The following EXOC4 variants were observed in gnomAD, a reference collection of about 807,000 sequenced individuals.
EXOC4 encodes the protein exocyst complex component 4.
EXOC4 carries 71 observed loss-of-function variants against 107.2 expected under a neutral mutation model. The observed-to-expected ratio is 0.66, with a 90% CI of 0.55 to 0.81. The LOEUF is 0.81. Among genes scored for constraint, EXOC4 ranks in the 30% least tolerant of loss-of-function variants. The pLI is 0.00. For synonymous variants in EXOC4, 456 were observed against 441.2 expected, an observed-to-expected ratio of 1.03 and a Z score of -0.42; for missense variants, 1,108 against 1,189.6, an observed-to-expected ratio of 0.93 and a Z score of 1.01.
chr7:133,829,137 A>G (rs751523496), intron 11 of EXOC4, among the ~76,000 whole-genome samples: 38 of 152,232 alleles, frequency 2.5e-4, no homozygotes, highest in Non-Finnish European at 4.6e-4. Context: ...CAAAGACACA[A>G]AAGGTAAAAC....
At chr7:134,025,666 C>G (rs772923450) in intron 17 of EXOC4, among the ~76,000 whole-genome samples, 13 of 152,172 alleles carry the variant, frequency 8.5e-5, no homozygotes, top group Non-Finnish European at 1.8e-4. Context: ...CAGTTCCTCT[C>G]TCTGTTTCTG....
At chr7:134,082,276 G>T in the EXOC4 span, among the ~76,000 whole-genome samples, 3 of 152,056 alleles carry the variant, frequency 2.0e-5, no homozygotes, top group East Asian at 5.8e-4. Context: ...AGAACTGAGG[G>T]TTACTCCCCT....
the EXOC4 span, among the ~76,000 whole-genome samples, chr7:134,084,168 T>C: frequency 6.6e-6 from 1 of 152,220 alleles, no homozygotes; most frequent in African/African-American, 2.4e-5. Flanking sequence ...GTGGAGTTTC[T>C]ACTGATCAGT....
chr7:133,340,559 T>A (rs1795638076), intron 5 of EXOC4, among the ~76,000 whole-genome samples: 1 of 152,044 alleles, frequency 6.6e-6, no homozygotes, highest in South Asian at 2.1e-4. Flanking sequence ...TTAGGGAGGA[T>A]TCTCTCTTTT....
rs1278068489 is a variant in EXOC4, at chr7:133,639,063, A to AAATGTAAATG, written c.1514+8922_1514+8923insAATGTAAATG. 2.0e-5 allele frequency among the ~76,000 whole-genome samples: 3 copies of AAATGTAAATG among 152,338 alleles called. No individual in the cohort carries two copies. In the East Asian group the frequency reaches 5.8e-4, roughly 29 times the overall value. ...CATTTGACGAAATATGTTTATGTCC[A>AAATGTAAATG]GCCACAGGGCCATTTACATCTGATT... On this transcript the variant is annotated intron_variant, in intron 10 of 17. Transcript: ENST00000253861.
chr7:133,796,871 G>A (rs531693889), intron 10 of EXOC4, among the ~76,000 whole-genome samples: 15 of 152,258 alleles, frequency 9.9e-5, no homozygotes, highest in East Asian at 7.7e-4. Context: ...TTATTCAGTC[G>A]GAGGGTAATG....
rs114818916 is a variant in EXOC4, at chr7:133,859,446, T to G, written c.1735-36153T>G. Among the ~76,000 whole-genome samples, 366 of 152,332 alleles carry G rather than the reference T, an allele frequency of 2.4e-3. 5 individuals are homozygous for G. The highest frequency in any genetic ancestry group is 8.2e-3 in the African/African-American group (342 of 41,572). ...GTACTGCTGTTTGTTAATGGATGAG[T>G]GTCTCTTGGATCCTGGTACCCACAC... On this transcript the variant is annotated intron_variant, in intron 11 of 17. Coordinates refer to ENST00000253861, the MANE Select transcript of EXOC4 (RefSeq NM_021807.4).
chr7:134,003,626 G>A (rs1364831415), intron 15 of EXOC4, among the ~76,000 whole-genome samples: 6 of 152,142 alleles, frequency 3.9e-5, no homozygotes, highest in East Asian at 3.9e-4. Flanking sequence ...TCTTACCTCC[G>A]GTGAACCTTC....
intron 17 of EXOC4, among the ~76,000 whole-genome samples, chr7:134,045,953 G>T (rs1795640614): frequency 6.6e-6 from 1 of 152,120 alleles, no homozygotes; most frequent in South Asian, 2.1e-4. Flanking sequence ...CTTAATAACA[G>T]GGTATGAGAC....
chr7:133,362,333 T>C (rs1796154424), intron 6 of EXOC4, among the ~76,000 whole-genome samples: 1 of 152,248 alleles, frequency 6.6e-6, no homozygotes, highest in South Asian at 2.1e-4. Flanking sequence ...TACTGTATTG[T>C]AAGGGGTTGT....
chr7:134,025,906 C>A (rs1281963994), intron 17 of EXOC4, among the ~76,000 whole-genome samples: 2 of 152,160 alleles, frequency 1.3e-5, no homozygotes, highest in African/African-American at 2.4e-5. Flanking sequence ...TAAATAGAGG[C>A]ATGAATGACG....
intron 10 of EXOC4, among the ~76,000 whole-genome samples, chr7:133,676,957 ATGTGTG>A (rs796707378): frequency 7.4e-6 from 1 of 135,190 alleles, no homozygotes; most frequent in African/African-American, 2.8e-5. Flanking sequence ...GTGTGTGTGT[ATGTGTG>A]TGTGTGTGTG....
intron 9 of EXOC4, among the ~76,000 whole-genome samples, chr7:133,541,057 A>T (rs1006526861): frequency 5.9e-5 from 9 of 152,326 alleles, no homozygotes; most frequent in African/African-American, 1.9e-4. Flanking sequence ...TTATGTCTAC[A>T]TGAAATAATC....
chr7:133,288,261 C>A (rs909984979), intron 2 of EXOC4, among the ~76,000 whole-genome samples: 1 of 152,144 alleles, frequency 6.6e-6, no homozygotes, highest in Non-Finnish European at 1.5e-5. Context: ...TTCTCCTCTC[C>A]CTTTTATTTT....
At chr7:133,311,177 C>T (rs1794862547) in intron 4 of EXOC4, among the ~76,000 whole-genome samples, 1 of 151,988 alleles carries the variant, frequency 6.6e-6, no homozygotes, top group South Asian at 2.1e-4. Flanking sequence ...CAAATGAAAT[C>T]TAAAGTTCAC....
At chr7:133,804,464 A>G (rs1797024856) in intron 10 of EXOC4, among the ~76,000 whole-genome samples, 1 of 152,170 alleles carries the variant, frequency 6.6e-6, no homozygotes, top group East Asian at 1.9e-4. Flanking sequence ...AACTAAGTTC[A>G]GCAATAAGGG....
chr7:133,479,021 G>A (rs143742173), intron 8 of EXOC4: 18 of 152,242 alleles, frequency 1.2e-4, no homozygotes, highest in African/African-American at 4.1e-4. Context: ...GATAAAGAAG[G>A]CATAATTAAG....
At chr7:133,885,747 A>G (rs1023724212) in intron 11 of EXOC4, among the ~76,000 whole-genome samples, 1 of 152,232 alleles carries the variant, frequency 6.6e-6, no homozygotes, top group Non-Finnish European at 1.5e-5. Flanking sequence ...GCACAAAGGC[A>G]CAGAGGCAGA....
At chr7:133,957,647 T>G (rs2116821513) in intron 14 of EXOC4, among the ~76,000 whole-genome samples, 1 of 152,310 alleles carries the variant, frequency 6.6e-6, no homozygotes, top group Admixed American at 6.5e-5. Flanking sequence ...TCTTAATCCT[T>G]ATATGTTTCA....
Sources: allele counts gnomAD v4.1 joint callset (sites outside exome capture counted in the v4.1 genomes callset), GRCh38; gene constraint gnomAD v4.1.1; transcripts MANE v1.5; gene names NCBI Gene and HGNC (gene_info 2026-07-23, HGNC 2026-07-21).